The following CPSF3 variants were observed in gnomAD, a reference collection of about 807,000 sequenced individuals.
CPSF3 encodes cleavage and polyadenylation specificity factor subunit 3.
CPSF3 carries 57 observed loss-of-function variants against 84.1 expected under a neutral mutation model. The observed-to-expected ratio is 0.68, with a 90% CI of 0.55 to 0.85. The LOEUF is 0.85. Among genes scored for constraint, CPSF3 ranks in the 40% least tolerant of loss-of-function variants. The pLI, the probability that CPSF3 is intolerant of heterozygous loss-of-function variation, is 0.00. For missense variants in CPSF3, 522 were observed against 838.8 expected, an observed-to-expected ratio of 0.62 and a Z score of 4.66; for synonymous variants, 275 against 278.1, an observed-to-expected ratio of 0.99 and a Z score of 0.11.
chr2:9,449,904 C>G (rs971019900), intron 11 of CPSF3, among the ~76,000 whole-genome samples: 5 of 152,056 alleles, frequency 3.3e-5, no homozygotes, highest in African/African-American at 1.2e-4. Context: ...AGAAATACTT[C>G]TAAGAGAAAC....
intron 13 of CPSF3, 22 bp from the exon 14 acceptor site, chr2:9,456,911 T>G: frequency 7.2e-7 from 1 of 1,395,656 alleles, no homozygotes; most frequent in Non-Finnish European, 1.0e-6. Context: ...ATATACATCT[T>G]ATAGTTATGT....
intron 7 of CPSF3, among the ~76,000 whole-genome samples, chr2:9,436,949 T>G (rs946133804): frequency 2.0e-5 from 3 of 151,892 alleles, no homozygotes; most frequent in Non-Finnish European, 4.4e-5. Context: ...ATAAATGAGA[T>G]GTACAGAAAA....
intron 6 of CPSF3, among the ~76,000 whole-genome samples, chr2:9,435,781 G>A (rs1680756566): frequency 6.8e-6 from 1 of 148,044 alleles, no homozygotes; most frequent in Non-Finnish European, 1.5e-5. Flanking sequence ...CGCCCAGGCT[G>A]GAGTGCAATG....
intron 11 of CPSF3, among the ~76,000 whole-genome samples, chr2:9,451,324 C>T (rs761795842): frequency 6.6e-6 from 1 of 152,130 alleles, no homozygotes; most frequent in Non-Finnish European, 1.5e-5. Context: ...GAAATACAAC[C>T]CTCTGTGTTT....
chr2:9,442,005 A>G lies in CPSF3; in HGVS notation c.1095+29A>G, dbSNP rs778167802. 3.0e-5 allele frequency: 48 copies of G among 1,604,340 alleles called. No individual in the cohort carries two copies. The South Asian group carries it at 5.1e-4, about 17-fold the overall frequency. ...AGTTACAGTCATAGGCTGTTGTGTT[A>G]TTCCTATTCAGAATCACGGAGGTGG... is the stretch of plus-strand genomic sequence containing the variant. On this transcript the variant is annotated intron_variant, in intron 9 of 17. Transcript: ENST00000238112.
chr2:9,446,529 C>T (rs890735436), intron 10 of CPSF3, among the ~76,000 whole-genome samples: 5 of 145,602 alleles, frequency 3.4e-5, no homozygotes, highest in Admixed American at 7.3e-5. Context: ...TGCAGTGAGC[C>T]GAGATCACGC....
chr2:9,451,355 A>G (rs569477435), intron 11 of CPSF3, among the ~76,000 whole-genome samples: 1 of 152,352 alleles, frequency 6.6e-6, no homozygotes, highest in East Asian at 1.9e-4. Flanking sequence ...GAACAAATAT[A>G]GCACTGCCTG....
intron 11 of CPSF3, among the ~76,000 whole-genome samples, chr2:9,448,764 C>T (rs939559912): frequency 6.6e-6 from 1 of 152,100 alleles, no homozygotes; most frequent in Non-Finnish European, 1.5e-5. Flanking sequence ...ACCACGTTGG[C>T]CAGGATGGTC....
chr2:9,430,700 G>A (rs1187330223), intron 3 of CPSF3, 52 bp from the exon 4 acceptor site: 2 of 1,540,598 alleles, frequency 1.3e-6, no homozygotes, highest in South Asian at 1.2e-5. Context: ...TCATTACATG[G>A]TATCTGATGG....
intron 11 of CPSF3, among the ~76,000 whole-genome samples, chr2:9,450,938 T>C (rs1681309492): frequency 6.6e-6 from 1 of 151,938 alleles, no homozygotes; most frequent in Admixed American, 6.5e-5. Context: ...TCGTAGTTAC[T>C]CCTGAGTCTT....
At chr2:9,439,407 A>G (rs894816211) in intron 7 of CPSF3, among the ~76,000 whole-genome samples, 3 of 151,112 alleles carry the variant, frequency 2.0e-5, no homozygotes, top group Non-Finnish European at 4.4e-5. Context: ...CGGGAGGCGG[A>G]ACTTGCAGTG....
chr2:9,457,147 A>ATGTGTG (rs70948817), intron 14 of CPSF3, 120 bp downstream of exon 14: 8,928 of 333,610 alleles, frequency 0.027, 136 homozygotes, highest in African/African-American at 0.03. Context: ...TGGAAAGTAT[A>ATGTGTG]TGTGTGTGTG....
intron 15 of CPSF3, among the ~76,000 whole-genome samples, chr2:9,464,353 T>C (rs1048671667): frequency 1.3e-5 from 2 of 152,026 alleles, no homozygotes; most frequent in Admixed American, 6.5e-5. Context: ...TGCAAATATA[T>C]ATATACATAT....
chr2:9,454,129 G>A (rs1386167444), intron 12 of CPSF3, among the ~76,000 whole-genome samples: 1 of 152,102 alleles, frequency 6.6e-6, no homozygotes. Context: ...AATAGCAGTG[G>A]CCCGGCACGG....
intron 15 of CPSF3, among the ~76,000 whole-genome samples, chr2:9,463,343 T>C (rs999940849): frequency 6.6e-6 from 1 of 152,176 alleles, no homozygotes; most frequent in African/African-American, 2.4e-5. Flanking sequence ...AGCTGGGAGC[T>C]TCTTCAGTCA....
chr2:9,466,042 AC>A (rs1681897329), intron 15 of CPSF3, among the ~76,000 whole-genome samples: 3 of 152,174 alleles, frequency 2.0e-5, no homozygotes, highest in African/African-American at 7.2e-5. Flanking sequence ...CAACTTTAAA[AC>A]ATTTACATCA....
At chr2:9,428,969 GAAA>G (rs1680486221) in intron 2 of CPSF3, 141 bp downstream of exon 2, 1 of 565,042 alleles carries the variant, frequency 1.8e-6, no homozygotes, top group Admixed American at 3.3e-5. Context: ...GTGTTAATGA[GAAA>G]AACTAATACA....
intron 10 of CPSF3, among the ~76,000 whole-genome samples, chr2:9,445,632 C>T (rs1239121336): frequency 6.6e-6 from 1 of 152,092 alleles, no homozygotes; most frequent in African/African-American, 2.4e-5. Context: ...CCAGGTGTTT[C>T]TTATTGTCTG....
chr2:9,464,766 T>C (rs1681846029), intron 15 of CPSF3, among the ~76,000 whole-genome samples: 1 of 152,064 alleles, frequency 6.6e-6, no homozygotes. Context: ...CTAATTTTTC[T>C]ATTTTTATAG....
Sources: allele counts gnomAD v4.1 joint callset (sites outside exome capture counted in the v4.1 genomes callset), GRCh38; gene constraint gnomAD v4.1.1; transcripts MANE v1.5; gene names NCBI Gene and HGNC (gene_info 2026-07-23, HGNC 2026-07-21).